Variants in CCDC149 observed in about 807,000 individuals in gnomAD.
CCDC149 encodes coiled-coil domain-containing protein 149.
CCDC149 carries 45 observed loss-of-function variants against 59.9 expected under a neutral mutation model. The observed-to-expected ratio is 0.75, with a 90% CI of 0.59 to 0.96. The LOEUF is 0.96. CCDC149 is among the 40% of genes least tolerant of loss of function. CCDC149 has a pLI of 0.00. For synonymous variants in CCDC149, 245 were observed against 260.6 expected (o/e 0.94, Z 0.58); for missense variants, 584 against 664.7 (o/e 0.88, Z 1.33).
chr4:24,820,518 A>AGAGGAGGAGGAGGAGGAT (rs1715323946), intron 11 of CCDC149, among the ~76,000 whole-genome samples: 1 of 152,112 alleles, frequency 6.6e-6, no homozygotes, highest in Non-Finnish European at 1.5e-5. Context: ...AAGAAGAGGA[A>AGAGGAGGAGGAGGAGGAT]GAGGAGGAGG....
intron 1 of CCDC149, among the ~76,000 whole-genome samples, chr4:24,883,204 T>A (rs1323713762): frequency 4.1e-4 from 5 of 12,322 alleles, no homozygotes; most frequent in African/African-American, 6.3e-4. Flanking sequence ...TTTTCTTTTC[T>A]TTTTTTTTTT....
At chr4:24,823,605 A>G (rs947084557) in intron 9 of CCDC149, among the ~76,000 whole-genome samples, 2 of 152,224 alleles carry the variant, frequency 1.3e-5, no homozygotes, top group African/African-American at 4.8e-5. Context: ...TTATTCTCCT[A>G]TCTCTCTTTA....
rs1716224121 is a variant in CCDC149 at position 24,832,507 on chromosome 4, G to A, written c.821-857C>T. On this transcript the variant is annotated intron_variant, in intron 8 of 12. Transcript: ENST00000635206. ...ACAACACACACAGTTCCATGTCATT[G>A]AAGGACTGAGACCCATATGAGAGAG... Among the ~76,000 whole-genome samples the A allele has an allele frequency of 2.0e-5, 3 of 152,294 alleles. No individual in the cohort carries two copies. The South Asian group carries it at 6.2e-4, about 32-fold the overall frequency.
downstream of CCDC149, among the ~76,000 whole-genome samples, chr4:24,805,948 C>T (rs778062778): frequency 5.3e-5 from 8 of 152,170 alleles, no homozygotes; most frequent in Non-Finnish European, 8.8e-5. Context: ...GCCTTACTTT[C>T]GAAGTTCCTG....
At chr4:24,899,360 T>G (rs17594723) in intron 1 of CCDC149, among the ~76,000 whole-genome samples, 16,584 of 152,112 alleles carry the variant, frequency 0.11, 972 homozygotes, top group African/African-American at 0.14. Flanking sequence ...AGAAGGAGCA[T>G]GAGTTCCACT....
chr4:24,816,228 C>T (rs990077503), intron 12 of CCDC149, among the ~76,000 whole-genome samples: 4 of 152,088 alleles, frequency 2.6e-5, no homozygotes, highest in African/African-American at 9.7e-5. Context: ...TCTGGGACTA[C>T]AGGCATGTGC....
chr4:24,923,626 C>T (rs1722359674), intron 1 of CCDC149, among the ~76,000 whole-genome samples: 1 of 151,978 alleles, frequency 6.6e-6, no homozygotes, highest in South Asian at 2.1e-4. Flanking sequence ...CAGGTGAAAA[C>T]AAAAGAACTT....
intron 12 of CCDC149, among the ~76,000 whole-genome samples, chr4:24,810,677 T>C (rs543721670): frequency 6.6e-6 from 1 of 152,276 alleles, no homozygotes; most frequent in African/African-American, 2.4e-5. Flanking sequence ...TATGTAAATG[T>C]TGAATGAAAA....
rs917547128 is a variant in CCDC149 at position 24,837,673 on chromosome 4, G to A, written c.490-273C>T. 7.9e-5 allele frequency among the ~76,000 whole-genome samples: 12 copies of A among 152,208 alleles called. No individual in the cohort carries two copies. The highest frequency in any genetic ancestry group is 3.3e-4 in the Admixed American group (5 of 15,274). On this transcript the variant is annotated intron_variant, in intron 5 of 12. Coordinates refer to ENST00000635206, the MANE Select transcript of CCDC149 (RefSeq NM_001330643.2). This position sits in a 1 kb window ranked among gnomAD's most constrained non-coding sequence, Gnocchi z 4.3. ...CTCGCCAACTTCAGGATGCCCTGCAGCTGCCAGTGTCTTACAAATCCATAC... is the reference window on the plus strand; with the variant it reads ...CTCGCCAACTTCAGGATGCCCTGCAACTGCCAGTGTCTTACAAATCCATAC...
intron 4 of CCDC149, among the ~76,000 whole-genome samples, chr4:24,840,339 T>C (rs1263025514): frequency 6.6e-6 from 1 of 152,214 alleles, no homozygotes; most frequent in Non-Finnish European, 1.5e-5. Context: ...ATGGCTGCAC[T>C]TGCTGGAATC....
At chr4:24,874,213 G>C (rs909291142) in intron 2 of CCDC149, among the ~76,000 whole-genome samples, 1 of 143,694 alleles carries the variant, frequency 7.0e-6, no homozygotes, top group Admixed American at 7.0e-5. Flanking sequence ...AAGTTAAGAA[G>C]ACATTGAGAA....
At chr4:24,896,452 A>G (rs1172838334) in intron 1 of CCDC149, among the ~76,000 whole-genome samples, 3 of 152,226 alleles carry the variant, frequency 2.0e-5, no homozygotes, top group Non-Finnish European at 4.4e-5. Context: ...CATGAGAGTC[A>G]ACCGTGGGTA....
At chr4:24,944,316 G>A (rs200128838) in intron 1 of CCDC149, among the ~76,000 whole-genome samples, 13 of 151,606 alleles carry the variant, frequency 8.6e-5, no homozygotes, top group African/African-American at 2.4e-4. Flanking sequence ...ACCAAACACC[G>A]CATGTTCTCA....
intron 3 of CCDC149, among the ~76,000 whole-genome samples, chr4:24,854,150 G>A (rs1268885128): frequency 6.6e-6 from 1 of 152,104 alleles, no homozygotes; most frequent in Non-Finnish European, 1.5e-5. Flanking sequence ...CTGAACCTGG[G>A]ATTCCTGGCC....
intron 1 of CCDC149, among the ~76,000 whole-genome samples, chr4:24,954,865 C>T (rs1723423949): frequency 6.6e-6 from 1 of 152,184 alleles, no homozygotes; most frequent in South Asian, 2.1e-4. Flanking sequence ...CTTGGTCATA[C>T]TCTTGGTTTT....
At position 24,958,987 on chromosome 4, in the gene CCDC149, C is replaced by A. The variant is rs1723555106; in HGVS notation, c.-65+21082G>T. The stretch of plus-strand genomic sequence containing the variant: ...TGTGGAGGTTGCAGTAAGCCGAGAT[C>A]ACGCAGGCAGAGCCACAGCTCTGTC... On this transcript the variant is annotated intron_variant, in intron 1 of 12. Transcript: ENST00000389609. Among the ~76,000 whole-genome samples, 6 of 151,858 alleles carry A rather than the reference C, an allele frequency of 4.0e-5. No individual in the cohort carries two copies. In the South Asian group the frequency reaches 1.3e-3, roughly 32 times the overall value.
At chr4:24,841,794 G>C (rs959787387) in intron 4 of CCDC149, among the ~76,000 whole-genome samples, 1 of 152,222 alleles carries the variant, frequency 6.6e-6, no homozygotes, top group African/African-American at 2.4e-5. Context: ...AAACACAGCA[G>C]TAAAAGTGTA....
intron 3 of CCDC149, among the ~76,000 whole-genome samples, chr4:24,864,387 C>T (rs2109215553): frequency 6.6e-6 from 1 of 152,248 alleles, no homozygotes; most frequent in African/African-American, 2.4e-5. Context: ...TAGGTTTTCA[C>T]ATTTCTGACA....
chr4:24,864,580 A>C (rs1560224674), intron 3 of CCDC149, among the ~76,000 whole-genome samples: 1 of 152,186 alleles, frequency 6.6e-6, no homozygotes, highest in Non-Finnish European at 1.5e-5. Flanking sequence ...ATTTTCAAGG[A>C]GACTGATTTG....
Sources: allele counts gnomAD v4.1 joint callset (sites outside exome capture counted in the v4.1 genomes callset), GRCh38; gene constraint gnomAD v4.1.1; non-coding constraint Gnocchi (gnomAD v3.1); transcripts MANE v1.5; gene names NCBI Gene and HGNC (gene_info 2026-07-23, HGNC 2026-07-21).